The following SLC13A1 variants were observed in gnomAD, a reference collection of about 807,000 sequenced individuals.
The protein encoded by SLC13A1 is solute carrier family 13 member 1, also known as Na(+)/sulfate cotransporter.
Under a neutral mutation model 70.0 loss-of-function variants are expected in SLC13A1, and 65 were observed. The observed-to-expected ratio is 0.93, with a 90% confidence interval of 0.76 to 1.14. The LOEUF (loss-of-function observed/expected upper bound fraction) is 1.14. Ranked by LOEUF, SLC13A1 falls within the 50% of genes most tolerant of loss-of-function variation. The pLI is 0.00. For synonymous variants in SLC13A1, 275 were observed against 250.5 expected (o/e 1.10, Z -0.92); for missense variants, 726 against 717.8 (o/e 1.01, Z -0.13).
At chr7:123,122,699 T>A (rs1260372444) in intron 12 of SLC13A1, among the ~76,000 whole-genome samples, 1 of 152,160 alleles carries the variant, frequency 6.6e-6, no homozygotes, top group Non-Finnish European at 1.5e-5. Context: ...TCTCTTTTTT[T>A]TTAAATCAGC....
intron 1 of SLC13A1, among the ~76,000 whole-genome samples, chr7:123,194,727 C>T (rs192933560): frequency 3.3e-5 from 5 of 152,050 alleles, no homozygotes; most frequent in Admixed American, 3.3e-4. Flanking sequence ...AGATGCAACA[C>T]CGTATTAGTG....
chr7:123,182,716 G>A (rs528622915), intron 1 of SLC13A1, among the ~76,000 whole-genome samples: 4 of 152,142 alleles, frequency 2.6e-5, no homozygotes, highest in African/African-American at 7.2e-5. Flanking sequence ...TGTCAACATG[G>A]GCCTTTGGGT....
intron 13 of SLC13A1, among the ~76,000 whole-genome samples, chr7:123,118,174 T>A (rs1183315211): frequency 6.6e-6 from 1 of 152,124 alleles, no homozygotes; most frequent in Non-Finnish European, 1.5e-5. Flanking sequence ...ATTACACTAA[T>A]AACTTTACTG....
chr7:123,169,429 G>A lies in SLC13A1; in HGVS notation c.366-94C>T, dbSNP rs1406820973. ...AAGATGTTTAAGATGTGTTTTGTGA[G>A]TTGGGAAATTAAGTCTTTCAAAACA... On this transcript the variant is annotated intron_variant, in intron 3 of 14. Transcript: ENST00000194130. 4 of 1,183,994 alleles carry A rather than the reference G, an allele frequency of 3.4e-6. No individual in the cohort carries two copies. In the East Asian group the frequency reaches 9.7e-5, roughly 29 times the overall value. 73.3% of individuals were successfully genotyped at this position (1,183,994 alleles called of 1,614,324 possible). A position where few individuals can be genotyped will look rare whatever the true frequency, so the allele number is the denominator to read the frequency against.
At chr7:123,157,521 T>C (rs1794751919) in intron 6 of SLC13A1, among the ~76,000 whole-genome samples, 1 of 152,112 alleles carries the variant, frequency 6.6e-6, no homozygotes, top group Admixed American at 6.6e-5. Context: ...TTTATTGCCC[T>C]AAATGTTAAC....
chr7:123,175,630 C>T (rs1013201848), intron 2 of SLC13A1, among the ~76,000 whole-genome samples: 1 of 152,152 alleles, frequency 6.6e-6, no homozygotes, highest in Non-Finnish European at 1.5e-5. Flanking sequence ...TTACCATACA[C>T]TCAATCTGCC....
At chr7:123,155,221 C>T (rs893387773) in intron 6 of SLC13A1, among the ~76,000 whole-genome samples, 5 of 151,778 alleles carry the variant, frequency 3.3e-5, no homozygotes, top group East Asian at 3.9e-4. Flanking sequence ...TTTTAATATA[C>T]TCTTCTCTTT....
intron 1 of SLC13A1, among the ~76,000 whole-genome samples, chr7:123,194,862 G>A (rs1035767500): frequency 3.9e-5 from 6 of 152,126 alleles, no homozygotes; most frequent in African/African-American, 1.4e-4. Flanking sequence ...TTTTGGGCAA[G>A]TGGGACTGCA....
chr7:123,153,636 A>G (rs115986198), intron 6 of SLC13A1, among the ~76,000 whole-genome samples: 1,852 of 152,198 alleles, frequency 0.012, 38 homozygotes, highest in African/African-American at 0.042. Context: ...AAATGAGCCA[A>G]CTAGTGGTAC....
At chr7:123,147,507 T>C (rs1794401945) in intron 6 of SLC13A1, among the ~76,000 whole-genome samples, 197 bp from the exon 7 acceptor site, 1 of 151,446 alleles carries the variant, frequency 6.6e-6, no homozygotes, top group Non-Finnish European at 1.5e-5. Context: ...GATTATGTCA[T>C]TATAAGAGGA....
intron 2 of SLC13A1, among the ~76,000 whole-genome samples, chr7:123,176,722 A>G (rs1010822370): frequency 6.6e-6 from 1 of 152,186 alleles, no homozygotes; most frequent in Non-Finnish European, 1.5e-5. Context: ...TTTGACACAC[A>G]TAATCATTGC....
At chr7:123,173,364 TTATATC>T (rs1418872993) in intron 2 of SLC13A1, among the ~76,000 whole-genome samples, 2 of 152,210 alleles carry the variant, frequency 1.3e-5, no homozygotes, top group African/African-American at 4.8e-5. Flanking sequence ...CTTTCAAAGT[TTATATC>T]TATCTCTTTA....
chr7:123,169,785 T>G (rs1795203451), intron 3 of SLC13A1, among the ~76,000 whole-genome samples: 1 of 152,242 alleles, frequency 6.6e-6, no homozygotes, highest in Non-Finnish European at 1.5e-5. Flanking sequence ...ACTCTGTTCA[T>G]AGGGGTGTCA....
chr7:123,122,264 ACCT>A (rs1286081780), intron 12 of SLC13A1, among the ~76,000 whole-genome samples: 6 of 152,066 alleles, frequency 3.9e-5, no homozygotes, highest in African/African-American at 1.4e-4. Flanking sequence ...TAGAAATTTA[ACCT>A]CCTGGAAGCC....
intron 7 of SLC13A1, among the ~76,000 whole-genome samples, chr7:123,145,025 T>C (rs1794302313): frequency 6.6e-6 from 1 of 152,146 alleles, no homozygotes; most frequent in African/African-American, 2.4e-5. Flanking sequence ...TTTTCCATTT[T>C]GTGTGTGTGT....
intron 2 of SLC13A1, among the ~76,000 whole-genome samples, chr7:123,177,179 T>C (rs1795475842): frequency 6.6e-6 from 1 of 152,118 alleles, no homozygotes; most frequent in Non-Finnish European, 1.5e-5. Flanking sequence ...AGCAACTCCA[T>C]TTTCCCAATT....
rs1418219381 is a variant in SLC13A1, at chr7:123,125,571, A to G, written c.1238T>C (p.Ile413Thr). The G allele has an allele frequency of 6.3e-7, 1 of 1,597,016 alleles. No individual in the cohort carries two copies. The highest frequency in any genetic ancestry group is 8.5e-7 in the Non-Finnish European group (1 of 1,170,732). ...CAGAATTATAAATGATACTCAACCA[A>G]TTTCTCCTGTAGGTGTAGTTTTAGT... ...TLTKTTPTGEIVAFDYSPLIT... is the reference protein window; with the variant it reads ...TLTKTTPTGETVAFDYSPLIT... Residue 413 changes from isoleucine (I) to threonine (T), a missense_variant and splice_region_variant, in exon 11 of 15, where the codon ATT (isoleucine) becomes ACT (threonine). Ile to Thr is a moderately conservative substitution (Grantham distance 89, BLOSUM62 -1). Transcript: ENST00000194130.
chr7:123,182,276 G>T (rs972963743), intron 1 of SLC13A1, among the ~76,000 whole-genome samples: 1 of 152,108 alleles, frequency 6.6e-6, no homozygotes, highest in African/African-American at 2.4e-5. Flanking sequence ...AAGAAAGGTT[G>T]TGCATTTTCT....
intron 12 of SLC13A1, among the ~76,000 whole-genome samples, chr7:123,122,609 A>G (rs1302217460): frequency 6.6e-6 from 1 of 152,120 alleles, no homozygotes; most frequent in Non-Finnish European, 1.5e-5. Flanking sequence ...ATAATGTTAG[A>G]AAGGGTTATG....
Sources: allele counts gnomAD v4.1 joint callset (sites outside exome capture counted in the v4.1 genomes callset), GRCh38; gene constraint gnomAD v4.1.1; transcripts MANE v1.5; gene names NCBI Gene and HGNC (gene_info 2026-07-23, HGNC 2026-07-21).